KCNIP4: variants seen among roughly 807,000 people sequenced by gnomAD.
KCNIP4 encodes potassium voltage-gated channel interacting protein 4, also known as Kv channel-interacting protein 4.
Under a neutral mutation model 34.0 loss-of-function variants are expected in KCNIP4, and 12 were observed. The observed-to-expected ratio is 0.35, with a 90% CI of 0.23 to 0.57. The LOEUF is 0.57. KCNIP4 is among the 20% of genes least tolerant of loss of function. The pLI is 0.83. For missense variants in KCNIP4, 238 were observed against 311.7 expected, an observed-to-expected ratio of 0.76 and a Z score of 1.78; for synonymous variants, 124 against 102.2, an observed-to-expected ratio of 1.21 and a Z score of -1.29.
At chr4:21,889,467 G>A (rs1327155157) in intron 1 of KCNIP4, among the ~76,000 whole-genome samples, 1 of 151,990 alleles carries the variant, frequency 6.6e-6, no homozygotes, top group African/African-American at 2.4e-5. Flanking sequence ...GCTACCTGAA[G>A]GCATTGCATT....
At chr4:20,980,064 T>C (rs551260452) in intron 1 of KCNIP4, among the ~76,000 whole-genome samples, 1 of 152,320 alleles carries the variant, frequency 6.6e-6, no homozygotes, top group Admixed American at 6.5e-5. Flanking sequence ...GACTAGTTTT[T>C]CTTCTCCATT....
chr4:21,228,077 G>C (rs1329790364), intron 1 of KCNIP4, among the ~76,000 whole-genome samples: 1 of 152,120 alleles, frequency 6.6e-6, no homozygotes, highest in African/African-American at 2.4e-5. Flanking sequence ...GCATTTTGTT[G>C]TTGTGAATGA....
rs140311446 is a variant in KCNIP4, at chr4:21,076,306, C to T, written c.62-193597G>A. Among the ~76,000 whole-genome samples, 152 of 152,126 alleles carry T rather than the reference C, an allele frequency of 1.0e-3. 2 individuals are homozygous for T. Among genetic ancestry groups the T allele is most frequent in the African/African-American group, 3.0e-3 (124 of 41,538 alleles). ...CAGAATCTTATCAATATCCTCATCT[C>T]CCACATGAATATTCTCTGACAGTTC... On this transcript the variant is annotated intron_variant, in intron 1 of 8. Coordinates refer to ENST00000382152, the MANE Select transcript of KCNIP4 (RefSeq NM_025221.6).
At chr4:21,365,720 AT>A (rs1411736815) in intron 1 of KCNIP4, among the ~76,000 whole-genome samples, 1 of 152,050 alleles carries the variant, frequency 6.6e-6, no homozygotes, top group Admixed American at 6.6e-5. Flanking sequence ...GGCAGCAAAA[AT>A]TTATCTACAA....
chr4:21,048,066 T>G (rs1742590706), intron 1 of KCNIP4, among the ~76,000 whole-genome samples: 1 of 152,222 alleles, frequency 6.6e-6, no homozygotes, highest in Admixed American at 6.5e-5. Context: ...TCTACAACTG[T>G]GCACCTATCT....
At chr4:21,714,785 G>GATGATTTT (rs1553923853) in intron 1 of KCNIP4, among the ~76,000 whole-genome samples, 1 of 43,388 alleles carries the variant, frequency 2.3e-5, no homozygotes, top group Non-Finnish European at 3.6e-5. Context: ...ATTTCCCTTT[G>GATGATTTT]ATTATTTTAT....
chr4:21,353,414 A>T (rs1032345936), intron 1 of KCNIP4, among the ~76,000 whole-genome samples: 4 of 152,188 alleles, frequency 2.6e-5, no homozygotes, highest in African/African-American at 9.6e-5. Flanking sequence ...AGGTTAGATG[A>T]ATGGCTAACT....
chr4:21,226,115 T>C (rs1345373246), intron 1 of KCNIP4, among the ~76,000 whole-genome samples: 1 of 151,594 alleles, frequency 6.6e-6, no homozygotes, highest in Non-Finnish European at 1.5e-5. Flanking sequence ...GAGACTGATC[T>C]ATGGTTGCAT....
At position 20,926,264 on chromosome 4, in the gene KCNIP4, A is replaced by T. The variant is rs115605642; in HGVS notation, c.62-43555T>A. Among the ~76,000 whole-genome samples, 411 of 152,258 alleles carry T rather than the reference A, an allele frequency of 2.7e-3. 3 individuals are homozygous for T. Among genetic ancestry groups the T allele is most frequent in the African/African-American group, 9.4e-3 (390 of 41,562 alleles). On this transcript the variant is annotated intron_variant, in intron 1 of 8. Coordinates refer to ENST00000382152, the MANE Select transcript of KCNIP4 (RefSeq NM_025221.6). ...CTAAGGGCATTTGATTGAAAAAGAC[A>T]CCTGGCCTCTTGGGGTCTTTGCAAT... is the stretch of plus-strand genomic sequence containing the variant.
intron 1 of KCNIP4, among the ~76,000 whole-genome samples, chr4:20,940,957 A>G (rs185890536): frequency 5.9e-5 from 9 of 152,314 alleles, no homozygotes; most frequent in Non-Finnish European, 8.8e-5. Flanking sequence ...AGTGACAATG[A>G]GCACATTTCT....
At chr4:20,785,461 T>G (rs760804736) in intron 3 of KCNIP4, among the ~76,000 whole-genome samples, 1 of 151,948 alleles carries the variant, frequency 6.6e-6, no homozygotes, top group Non-Finnish European at 1.5e-5. Context: ...GTTCTCAGAC[T>G]GAGGAGGAGC....
At position 21,807,517 on chromosome 4, in the gene KCNIP4, C is replaced by T. The variant is rs75866545; in HGVS notation, c.61+141054G>A. ...ATTAAATTATGGTTACCTATATAAT[C>T]AATACACGTTAATGGCTACTTATTG... On this transcript the variant is annotated intron_variant, in intron 1 of 8. Transcript: ENST00000382152. 1.1e-4 allele frequency among the ~76,000 whole-genome samples: 17 copies of T among 152,308 alleles called. No homozygotes were observed. In the East Asian group the frequency reaches 1.9e-3, roughly 17 times the overall value.
At chr4:21,117,601 C>T (rs1749804536) in intron 1 of KCNIP4, among the ~76,000 whole-genome samples, 1 of 152,148 alleles carries the variant, frequency 6.6e-6, no homozygotes, top group Non-Finnish European at 1.5e-5. Context: ...CGGAGAGAGG[C>T]AGTGAACAGA....
intron 1 of KCNIP4, among the ~76,000 whole-genome samples, chr4:21,111,321 A>G (rs2109102906): frequency 6.6e-6 from 1 of 152,322 alleles, no homozygotes; most frequent in East Asian, 1.9e-4. Context: ...AAATATTATC[A>G]GGGAAATGTT....
chr4:20,902,904 C>T (rs932065248), intron 1 of KCNIP4, among the ~76,000 whole-genome samples: 1 of 152,122 alleles, frequency 6.6e-6, no homozygotes. Context: ...CGTGAAGATC[C>T]GACTTTTGTT....
chr4:21,199,312 T>C (rs1389918951), intron 1 of KCNIP4, among the ~76,000 whole-genome samples: 1 of 152,246 alleles, frequency 6.6e-6, no homozygotes, highest in African/African-American at 2.4e-5. Flanking sequence ...TTTGCATTTC[T>C]CTGATGGCCA....
chr4:21,829,334 G>C (rs879647081), intron 1 of KCNIP4, among the ~76,000 whole-genome samples: 3 of 151,992 alleles, frequency 2.0e-5, no homozygotes, highest in South Asian at 4.1e-4. Flanking sequence ...ACACTGAAAG[G>C]GGGTGATGGT....
chr4:21,405,481 C>A (rs912061189), intron 1 of KCNIP4, among the ~76,000 whole-genome samples: 2 of 152,120 alleles, frequency 1.3e-5, no homozygotes, highest in Non-Finnish European at 2.9e-5. Flanking sequence ...TATTGGAGCC[C>A]GGTATATTTG....
intron 1 of KCNIP4, among the ~76,000 whole-genome samples, chr4:21,603,794 AC>A (rs2109126824): frequency 6.6e-6 from 1 of 152,340 alleles, no homozygotes; most frequent in African/African-American, 2.4e-5. Context: ...AAAAGATTTA[AC>A]AAAATCAAAA....
Sources: gnomAD v4.1 joint callset for allele counts (sites outside exome capture counted in the v4.1 genomes callset) on GRCh38, gnomAD v4.1.1 for gene constraint, MANE v1.5 for transcripts, NCBI Gene and HGNC (gene_info 2026-07-23, HGNC 2026-07-21) for gene names.